SHROOM3: variants seen among roughly 807,000 people sequenced by gnomAD.
SHROOM3 encodes the protein shroom family member 3.
A neutral mutation model predicts 138.6 loss-of-function variants in SHROOM3; 47 were observed. That is an observed-to-expected ratio of 0.34 (90% CI 0.27 to 0.43). The LOEUF (loss-of-function observed/expected upper bound fraction) is 0.43. Among genes scored for constraint, SHROOM3 ranks in the 20% least tolerant of loss-of-function variants. The pLI is 1.00. For synonymous variants in SHROOM3, 1,062 were observed against 1,063.3 expected (o/e 1.00, Z 0.02); for missense variants, 2,491 against 2,596.5 (o/e 0.96, Z 0.88).
chr4:76,608,016 G>A (rs1734658562), intron 2 of SHROOM3, among the ~76,000 whole-genome samples: 1 of 152,160 alleles, frequency 6.6e-6, no homozygotes, highest in African/African-American at 2.4e-5. Flanking sequence ...GTAGCACCAG[G>A]GGCCTGCAAC....
chr4:76,558,084 C>G (rs540064629), intron 2 of SHROOM3, among the ~76,000 whole-genome samples: 1 of 152,326 alleles, frequency 6.6e-6, no homozygotes, highest in East Asian at 1.9e-4. Context: ...AGAATCCACA[C>G]TCCTGATGTG....
At chr4:76,580,423 T>C (rs763502688) in intron 2 of SHROOM3, among the ~76,000 whole-genome samples, 2 of 151,932 alleles carry the variant, frequency 1.3e-5, no homozygotes, top group Non-Finnish European at 2.9e-5. Flanking sequence ...TACTACCACT[T>C]GTTTTGTGAC....
chr4:76,590,200 G>A (rs543899643), intron 2 of SHROOM3, among the ~76,000 whole-genome samples: 2 of 152,196 alleles, frequency 1.3e-5, no homozygotes, highest in East Asian at 1.9e-4. Context: ...AAACCCCAGC[G>A]GGTTGCTGGT....
chr4:76,570,255 C>T (rs145456205), intron 2 of SHROOM3, among the ~76,000 whole-genome samples: 2 of 152,164 alleles, frequency 1.3e-5, no homozygotes, highest in Non-Finnish European at 2.9e-5. Context: ...TAAAAATAGA[C>T]CTTTCTGCTA....
At chr4:76,618,052 C>T (rs973407660) in intron 2 of SHROOM3, among the ~76,000 whole-genome samples, 14 of 152,242 alleles carry the variant, frequency 9.2e-5, no homozygotes, top group African/African-American at 2.9e-4. Context: ...GTAATCCCAA[C>T]ACTTTGGGAG....
At chr4:76,509,057 C>T (rs1732275944) in intron 1 of SHROOM3, among the ~76,000 whole-genome samples, 1 of 152,154 alleles carries the variant, frequency 6.6e-6, no homozygotes, top group African/African-American at 2.4e-5. Flanking sequence ...AAAGACACAC[C>T]TCTTAATACT....
At chr4:76,558,860 C>G (rs1733541236) in intron 2 of SHROOM3, among the ~76,000 whole-genome samples, 1 of 152,158 alleles carries the variant, frequency 6.6e-6, no homozygotes, top group Non-Finnish European at 1.5e-5. Flanking sequence ...TTGCTAGGAT[C>G]CACTCTGATG....
At chr4:76,629,817 A>G (rs758045424) in intron 2 of SHROOM3, among the ~76,000 whole-genome samples, 2 of 152,244 alleles carry the variant, frequency 1.3e-5, no homozygotes, top group Non-Finnish European at 2.9e-5. Context: ...GGTTTTAAAC[A>G]TTGTAAATTG....
intron 1 of SHROOM3, among the ~76,000 whole-genome samples, chr4:76,538,097 A>G (rs927138204): frequency 3.3e-5 from 5 of 152,130 alleles, no homozygotes; most frequent in Non-Finnish European, 4.4e-5. Context: ...TAGTAGAGCC[A>G]GGGTTTCACC....
At chr4:76,759,511 T>C in intron 8 of SHROOM3, 34 bp from the exon 9 acceptor site, 1 of 1,613,568 alleles carries the variant, frequency 6.2e-7, no homozygotes, top group Non-Finnish European at 8.5e-7. Flanking sequence ...TGGCGTGATC[T>C]GTGTGGCTAT....
chr4:76,479,063 A>G (rs530214761), intron 1 of SHROOM3, among the ~76,000 whole-genome samples: 7 of 152,064 alleles, frequency 4.6e-5, no homozygotes, highest in Non-Finnish European at 1.0e-4. Flanking sequence ...AAAAACCAGA[A>G]CGCCTCTTCT....
chr4:76,570,800 A>G lies in SHROOM3; in HGVS notation c.323+15037A>G, dbSNP rs1218027352. 2.6e-5 allele frequency among the ~76,000 whole-genome samples: 4 copies of G among 152,204 alleles called. No homozygotes were observed. In the East Asian group the frequency reaches 5.8e-4, roughly 22 times the overall value. On this transcript the variant is annotated intron_variant, in intron 2 of 10. Transcript: ENST00000296043. ...GAGGGCTGTGTAATAATTCATGCAC[A>G]TTCCCGTCCCAGTCCCTAAGTGTGC...
chr4:76,582,930 T>A (rs1049220148), intron 2 of SHROOM3, among the ~76,000 whole-genome samples: 2 of 152,222 alleles, frequency 1.3e-5, no homozygotes, highest in African/African-American at 2.4e-5. Flanking sequence ...TCATCATTAC[T>A]TCTTCCAACA....
intron 1 of SHROOM3, among the ~76,000 whole-genome samples, chr4:76,508,524 G>C (rs1396797204): frequency 1.3e-5 from 2 of 152,086 alleles, no homozygotes; most frequent in African/African-American, 4.8e-5. Context: ...AGATTGTTTG[G>C]ATATTCTGGG....
intron 1 of SHROOM3, among the ~76,000 whole-genome samples, chr4:76,530,713 G>A (rs1266045049): frequency 6.6e-6 from 1 of 152,184 alleles, no homozygotes; most frequent in Non-Finnish European, 1.5e-5. Context: ...GATCACATGA[G>A]ATCTTTAATT....
At chr4:76,751,693 T>C (rs1015603287) in intron 6 of SHROOM3, among the ~76,000 whole-genome samples, 7 of 152,194 alleles carry the variant, frequency 4.6e-5, no homozygotes, top group Non-Finnish European at 8.8e-5. Flanking sequence ...GGCAGACACA[T>C]GGCCAACAAG....
intron 2 of SHROOM3, among the ~76,000 whole-genome samples, chr4:76,617,781 A>G (rs550016558): frequency 6.6e-5 from 10 of 152,370 alleles, no homozygotes; most frequent in Admixed American, 2.0e-4. Flanking sequence ...TAATTAAAAT[A>G]TGAAAACTAA....
rs776951902 is a variant in SHROOM3 at position 76,741,066 on chromosome 4, C to T, written c.2893C>T (p.His965Tyr). The T allele has an allele frequency of 1.3e-6, 2 of 1,521,312 alleles. No homozygotes were observed. The highest frequency in any genetic ancestry group is 2.6e-5 in the South Asian group (2 of 77,638). The allele number at this position is 1,521,312 out of a possible 1,614,324, so 94.2% of individuals were successfully genotyped here. A position where few individuals can be genotyped will look rare whatever the true frequency, so the allele number is the denominator to read the frequency against. Residue 965 changes from histidine (H) to tyrosine (Y), a missense_variant, in exon 5 of 11, where the codon CAC (histidine) becomes TAC (tyrosine). Physicochemically the swap from His to Tyr is moderately conservative, Grantham distance 83 (BLOSUM62 2). Transcript: ENST00000296043. The surrounding 1 kb of genome is among the most constrained non-coding windows in gnomAD (Gnocchi z 6.2). ...CTGGCGGCCACGGCCTTCCTCGGCC[C>T]ACGTGGGGCTGCGGAGCCCCGAGGC... ...RSWRPRPSSA[H>Y]VGLRSPEASA...
intron 3 of SHROOM3, among the ~76,000 whole-genome samples, chr4:76,725,142 C>G (rs1320214675): frequency 2.6e-5 from 4 of 151,652 alleles, no homozygotes; most frequent in Non-Finnish European, 4.4e-5. Context: ...TTGCTTCCCC[C>G]TCCCCACCCC....
Sources: gnomAD v4.1 joint callset for allele counts (sites outside exome capture counted in the v4.1 genomes callset) on GRCh38, gnomAD v4.1.1 for gene constraint, Gnocchi (gnomAD v3.1) non-coding constraint, MANE v1.5 for transcripts, NCBI Gene and HGNC (gene_info 2026-07-23, HGNC 2026-07-21) for gene names.